Variants in CDC37L1 observed in about 807,000 individuals in gnomAD.
CDC37L1 encodes hsp90 co-chaperone Cdc37-like 1.
In CDC37L1, 32 loss-of-function variants were observed where a neutral mutation model predicts 45.9. The observed-to-expected ratio is 0.70, with a 90% CI of 0.53 to 0.94. The LOEUF (loss-of-function observed/expected upper bound fraction) is 0.94. Among genes scored for constraint, CDC37L1 ranks in the 40% least tolerant of loss-of-function variants. The pLI, the probability that CDC37L1 is intolerant of heterozygous loss-of-function variation, is 0.00. For synonymous variants in CDC37L1, 150 were observed against 133.0 expected, an observed-to-expected ratio of 1.13 and a Z score of -0.88; for missense variants, 434 against 405.7, an observed-to-expected ratio of 1.07 and a Z score of -0.60.
chr9:4,699,617 A>AT (rs1166406672), intron 5 of CDC37L1, among the ~76,000 whole-genome samples: 2 of 152,164 alleles, frequency 1.3e-5, no homozygotes, highest in East Asian at 3.8e-4. Context: ...TAAATAATAT[A>AT]TTGTTGAAGG....
chr9:4,696,892 G>T (rs998359128), intron 3 of CDC37L1, among the ~76,000 whole-genome samples: 1 of 152,134 alleles, frequency 6.6e-6, no homozygotes. Context: ...GCTATTTCCA[G>T]TCTACTGAGT....
In CDC37L1 at chr9:4,679,645, G is replaced by C. The variant is rs942263677; in HGVS notation, c.-123G>C. On this transcript the variant is annotated 5_prime_UTR_variant, in exon 1 of 7. Coordinates refer to ENST00000381854, the MANE Select transcript of CDC37L1 (RefSeq NM_017913.4). Reference sequence around the variant, plus strand: ...GCGTCGCGGCCAGTAGAGGGATTCTGGGTAACGGCCCGGACCCCCGGCTGG... The same window carrying C: ...GCGTCGCGGCCAGTAGAGGGATTCTCGGTAACGGCCCGGACCCCCGGCTGG... The C allele has an allele frequency of 5.6e-6, 5 of 887,432 alleles. No homozygotes were observed. The highest frequency in any genetic ancestry group is 5.1e-5 in the African/African-American group (3 of 58,486). The allele number at this position is 887,432 out of a possible 1,614,324, so 55.0% of individuals were successfully genotyped here.
chr9:4,686,993 G>C (rs1841253152), intron 2 of CDC37L1, among the ~76,000 whole-genome samples: 2 of 152,148 alleles, frequency 1.3e-5, no homozygotes, highest in Non-Finnish European at 2.9e-5. Flanking sequence ...AATGTCATCT[G>C]TTTCTTTTTG....
chr9:4,701,234 A>G (rs1462089339), intron 5 of CDC37L1, among the ~76,000 whole-genome samples: 2 of 152,230 alleles, frequency 1.3e-5, no homozygotes, highest in Admixed American at 1.3e-4. Context: ...GCAGCTGCCA[A>G]TAGGGAGTTG....
chr9:4,694,530 T>C (rs1408041909), intron 3 of CDC37L1, among the ~76,000 whole-genome samples: 1 of 152,236 alleles, frequency 6.6e-6, no homozygotes, highest in East Asian at 1.9e-4. Context: ...AAATGTATTT[T>C]CAATGTCAAG....
intron 6 of CDC37L1, among the ~76,000 whole-genome samples, chr9:4,705,531 C>T (rs1169125920): frequency 1.3e-5 from 2 of 152,042 alleles, no homozygotes; most frequent in Admixed American, 6.5e-5. Context: ...TTGTTTTAAC[C>T]TTTGGGAAAC....
chr9:4,682,715 C>T (rs1402391423), intron 1 of CDC37L1, among the ~76,000 whole-genome samples: 2 of 151,592 alleles, frequency 1.3e-5, no homozygotes, highest in Non-Finnish European at 3.0e-5. Flanking sequence ...TCAGGTAATC[C>T]GCCCGCCTCA....
At chr9:4,703,165 A>C (rs1265313354) in intron 6 of CDC37L1, 6 of 1,490,432 alleles carry the variant, frequency 4.0e-6, no homozygotes, top group Admixed American at 2.3e-5. Flanking sequence ...TTCAAAAGAC[A>C]ATGTGAGGAG....
intron 1 of CDC37L1, 24 bp from the exon 2 acceptor site, chr9:4,684,853 C>G: frequency 6.4e-7 from 1 of 1,572,998 alleles, no homozygotes; most frequent in Non-Finnish European, 8.7e-7. Context: ...TTCTTCATTT[C>G]TTACAAATAT....
At chr9:4,681,637 CA>C (rs200931844) in intron 1 of CDC37L1, among the ~76,000 whole-genome samples, 11 of 148,190 alleles carry the variant, frequency 7.4e-5, no homozygotes, top group East Asian at 3.9e-4. Flanking sequence ...ACTCTTGTCT[CA>C]AAAAAAAAAA....
intron 2 of CDC37L1, 101 bp from the exon 3 acceptor site, chr9:4,688,412 A>G (rs10974731): frequency 0.11 from 68,633 of 650,956 alleles, 5,408 homozygotes; most frequent in East Asian, 0.31. Context: ...ACTATACCAC[A>G]TATATTGTCT....
chr9:4,685,898 C>G (rs948463763), intron 2 of CDC37L1, among the ~76,000 whole-genome samples: 3 of 152,114 alleles, frequency 2.0e-5, no homozygotes, highest in African/African-American at 7.2e-5. Context: ...CTTAGTTGTC[C>G]ACACCTGTAA....
intron 1 of CDC37L1, among the ~76,000 whole-genome samples, chr9:4,684,285 AAT>A (rs370408156): frequency 1.3e-5 from 2 of 151,316 alleles, no homozygotes; most frequent in Non-Finnish European, 3.0e-5. Context: ...TCCATCACAA[AAT>A]ATATATATAT....
chr9:4,679,707 A>G lies in CDC37L1; in HGVS notation c.-61A>G, dbSNP rs1439230130. On this transcript the variant is annotated 5_prime_UTR_variant, in exon 1 of 7. Coordinates refer to ENST00000381854, the MANE Select transcript of CDC37L1 (RefSeq NM_017913.4). Reference sequence around the variant, plus strand: ...GGCGCAGCAGGTTCCATTCACGCCAAGTCTGTTGGCAGTGGCAGTTGTAGG... The same window carrying G: ...GGCGCAGCAGGTTCCATTCACGCCAGGTCTGTTGGCAGTGGCAGTTGTAGG... 1 of 1,518,958 alleles carries G rather than the reference A, an allele frequency of 6.6e-7. No homozygotes were observed. Among genetic ancestry groups the G allele is most frequent in the Non-Finnish European group, 8.9e-7 (1 of 1,118,966 alleles). The allele number at this position is 1,518,958 out of a possible 1,614,324, so 94.1% of individuals were successfully genotyped here. A position where few individuals can be genotyped will look rare whatever the true frequency, so the allele number is the denominator to read the frequency against.
In CDC37L1 at chr9:4,679,675, C is replaced by T. The variant is rs1841167037; in HGVS notation, c.-93C>T. 2 of 1,233,178 alleles carry T rather than the reference C, an allele frequency of 1.6e-6. No homozygotes were observed. The highest frequency in any genetic ancestry group is 2.7e-5 in the East Asian group (1 of 37,002). The allele number at this position is 1,233,178 out of a possible 1,614,324, so 76.4% of individuals were successfully genotyped here. ...ACGGCCCGGACCCCCGGCTGGGCTTCTGGCTCGGCGCAGCAGGTTCCATTC... is the reference window on the plus strand; with the variant it reads ...ACGGCCCGGACCCCCGGCTGGGCTTTTGGCTCGGCGCAGCAGGTTCCATTC... On this transcript the variant is annotated 5_prime_UTR_variant, in exon 1 of 7. Transcript: ENST00000381854.
rs1841450374 is a variant in CDC37L1 at position 4,707,061 on chromosome 9, G to T, written c.*949G>T. 6.6e-6 allele frequency: 1 copy of T among 151,900 alleles called. No individual in the cohort carries two copies. Among genetic ancestry groups the T allele is most frequent in the South Asian group, 2.1e-4 (1 of 4,824 alleles). 9.4% of individuals were successfully genotyped at this position (151,900 alleles called of 1,614,324 possible). A position where few individuals can be genotyped will look rare whatever the true frequency, so the allele number is the denominator to read the frequency against. On this transcript the variant is annotated 3_prime_UTR_variant, in exon 7 of 7. Transcript: ENST00000381854. The stretch of plus-strand genomic sequence containing the variant: ...TCTTAAAAATGATTTTTTTTTTAAA[G>T]GCAAGAGAAATCTTGTAGTGCTAAC...
Position 4,697,857 on chromosome 9 carries a change from G to A in CDC37L1, c.725G>A (p.Arg242His), listed in dbSNP as rs756219911. 3 of 1,613,152 alleles carry A rather than the reference G, an allele frequency of 1.9e-6. No homozygotes were observed. The highest frequency in any genetic ancestry group is 2.5e-6 in the Non-Finnish European group (3 of 1,179,496). ...AATGTGGATCCAAGAGGGTGTTTTC[G>A]TTTATTTTTCCAGAAAGCCAAAGTA... ...NCNVDPRGCF[R>H]LFFQKAKAEE... The change falls in exon 5 of 7, where the codon CGT becomes CAT. Residue 242 changes from arginine to histidine, a missense_variant. Coordinates refer to ENST00000381854, the MANE Select transcript of CDC37L1 (RefSeq NM_017913.4).
intron 3 of CDC37L1, among the ~76,000 whole-genome samples, chr9:4,690,901 CAA>C (rs1841294578): frequency 6.6e-6 from 1 of 152,214 alleles, no homozygotes; most frequent in South Asian, 2.1e-4. Context: ...TATATCTTAA[CAA>C]GAGACCTGGA....
chr9:4,686,509 T>G (rs1841248750), intron 2 of CDC37L1, among the ~76,000 whole-genome samples: 1 of 152,246 alleles, frequency 6.6e-6, no homozygotes, highest in Non-Finnish European at 1.5e-5. Flanking sequence ...ATAATTTTTT[T>G]TCTTCCAGAA....
Sources: gnomAD v4.1 joint callset for allele counts (sites outside exome capture counted in the v4.1 genomes callset) on GRCh38, gnomAD v4.1.1 for gene constraint, MANE v1.5 for transcripts, NCBI Gene and HGNC (gene_info 2026-07-23, HGNC 2026-07-21) for gene names.